The following LSM14A variants were observed in gnomAD, a reference collection of about 807,000 sequenced individuals.
LSM14A encodes the protein LSM14A mRNA processing body assembly factor, also known as protein LSM14 homolog A.
In LSM14A, 14 loss-of-function variants were observed where a neutral mutation model predicts 52.4. That is an observed-to-expected ratio of 0.27 (90% confidence interval 0.18 to 0.42). The LOEUF (loss-of-function observed/expected upper bound fraction) is 0.42, where lower values mean the gene tolerates loss of function less well. Ranked by LOEUF, LSM14A falls within the 10% of genes least tolerant of loss-of-function variation. The pLI, the probability that LSM14A is intolerant of heterozygous loss-of-function variation, is 1.00. For synonymous variants in LSM14A, 185 were observed against 200.3 expected, an observed-to-expected ratio of 0.92 and a Z score of 0.64; for missense variants, 417 against 581.8, an observed-to-expected ratio of 0.72 and a Z score of 2.91.
chr19:34,205,977 G>T (rs560510218), intron 3 of LSM14A, among the ~76,000 whole-genome samples: 1 of 152,160 alleles, frequency 6.6e-6, no homozygotes, highest in Non-Finnish European at 1.5e-5. Flanking sequence ...GACCTTAAAA[G>T]AATAATATGG....
At chr19:34,215,534 T>C in intron 5 of LSM14A, 62 bp from the exon 6 acceptor site, 3 of 1,359,720 alleles carry the variant, frequency 2.2e-6, no homozygotes, top group South Asian at 1.2e-5. Context: ...CATTTCTAAC[T>C]ATGGAAGTTT....
At chr19:34,174,754 G>C (rs1394736995) in intron 1 of LSM14A, among the ~76,000 whole-genome samples, 3 of 152,196 alleles carry the variant, frequency 2.0e-5, no homozygotes, top group Non-Finnish European at 4.4e-5. Flanking sequence ...AGTGCTGGGT[G>C]AGAGCCAGAT....
intron 3 of LSM14A, among the ~76,000 whole-genome samples, chr19:34,204,353 A>G (rs2071527635): frequency 6.6e-6 from 1 of 152,228 alleles, no homozygotes. Flanking sequence ...ATAATTTGGT[A>G]TCAAGTAAAC....
chr19:34,172,869 C>A (rs1384017149), intron 1 of LSM14A, 106 bp downstream of exon 1: 2 of 1,308,558 alleles, frequency 1.5e-6, no homozygotes, highest in East Asian at 3.1e-5. Context: ...CTCCGTCGAG[C>A]TCCGGGAGGC....
At chr19:34,226,379 T>TC (rs2073344141) in intron 9 of LSM14A, 1 of 915,602 alleles carries the variant, frequency 1.1e-6, no homozygotes, top group Non-Finnish European at 1.4e-6. Context: ...CTTTCTCTTT[T>TC]TTTTTTTTTT....
At chr19:34,199,285 C>T (rs1399796312) in intron 3 of LSM14A, among the ~76,000 whole-genome samples, 1 of 151,984 alleles carries the variant, frequency 6.6e-6, no homozygotes, top group African/African-American at 2.4e-5. Flanking sequence ...CCACCACTCC[C>T]GGCTAGATTT....
In LSM14A at chr19:34,228,397, T is replaced by C. The variant is rs1181133621; in HGVS notation, c.*1009T>C. 6.5e-6 allele frequency: 1 copy of C among 152,774 alleles called. No homozygotes were observed. The highest frequency in any genetic ancestry group is 1.9e-4 in the East Asian group (1 of 5,190). The allele number at this position is 152,774 out of a possible 1,614,324, so 9.5% of individuals were successfully genotyped here. On this transcript the variant is annotated 3_prime_UTR_variant, in exon 10 of 10. Coordinates refer to ENST00000544216, the MANE Select transcript of LSM14A (RefSeq NM_015578.4). Reference sequence around the variant, plus strand: ...TAGCTGTATTTTCAAATAAGTAATCTTCCCCCCTTTTGTAGGACTTTAAAA... The same window carrying C: ...TAGCTGTATTTTCAAATAAGTAATCCTCCCCCCTTTTGTAGGACTTTAAAA...
intron 3 of LSM14A, among the ~76,000 whole-genome samples, chr19:34,207,784 C>T (rs1323242426): frequency 1.3e-5 from 2 of 152,134 alleles, no homozygotes; most frequent in African/African-American, 4.8e-5. Flanking sequence ...CCACCTCGGC[C>T]TCCCAAAATG....
rs542294653 is a variant in LSM14A, at chr19:34,173,347, C to T, written c.121+584C>T. Among the ~76,000 whole-genome samples the T allele has an allele frequency of 1.5e-4, 23 of 152,318 alleles. No individual in the cohort carries two copies. In the South Asian group the frequency reaches 4.8e-3, roughly 32 times the overall value. ...CCTCTGTTGGTATTTACCTGTTAAA[C>T]CGGAATCCTCAAAGCCTGTTGTGCA... On this transcript the variant is annotated intron_variant, in intron 1 of 9. Coordinates refer to ENST00000544216, the MANE Select transcript of LSM14A (RefSeq NM_015578.4).
intron 4 of LSM14A, 47 bp from the exon 5 acceptor site, chr19:34,215,077 T>C: frequency 6.7e-7 from 1 of 1,498,716 alleles, no homozygotes; most frequent in Non-Finnish European, 9.0e-7. Flanking sequence ...CTAGATTATT[T>C]TGAAATCCCC....
At chr19:34,175,989 A>T (rs2069064125) in intron 1 of LSM14A, among the ~76,000 whole-genome samples, 2 of 152,044 alleles carry the variant, frequency 1.3e-5, no homozygotes, top group African/African-American at 4.8e-5. Flanking sequence ...AGTAGCTGGG[A>T]CTACAGGCGC....
At chr19:34,218,743 T>G (rs2072856460) in intron 6 of LSM14A, among the ~76,000 whole-genome samples, 1 of 152,188 alleles carries the variant, frequency 6.6e-6, no homozygotes, top group African/African-American at 2.4e-5. Flanking sequence ...GGCTGAAATT[T>G]TACTGTGTTA....
Position 34,172,666 on chromosome 19 carries a change from C to T in LSM14A, c.24C>T (p.Ile8=), listed in dbSNP as rs775684755. The T allele has an allele frequency of 2.5e-6, 4 of 1,576,764 alleles. No individual in the cohort carries two copies. The highest frequency in any genetic ancestry group is 1.8e-5 in the Admixed American group (1 of 55,400). MSGGTPY[I]GSKISLISKA... ...CCATGAGCGGGGGCACCCCTTACAT[C>T]GGCAGCAAGATCAGCCTCATCTCCA... The change falls in exon 1 of 10, where the codon ATC becomes ATT. Residue 8 remains isoleucine (I), a synonymous_variant. Transcript: ENST00000544216.
intron 1 of LSM14A, among the ~76,000 whole-genome samples, chr19:34,179,619 G>T (rs1307062852): frequency 1.3e-5 from 2 of 152,080 alleles, no homozygotes; most frequent in Admixed American, 6.6e-5. Flanking sequence ...TCTAGTAGGG[G>T]TAAGTAAGGT....
At chr19:34,219,685 G>GA in intron 7 of LSM14A, 21 bp from the exon 8 acceptor site, 1 of 1,597,472 alleles carries the variant, frequency 6.3e-7, no homozygotes, top group South Asian at 1.1e-5. Flanking sequence ...TGACTTTTCT[G>GA]ATATGTGCTT....
rs756673232 is a variant in LSM14A at position 34,221,704 on chromosome 19, G to T, written c.1334G>T (p.Arg445Leu). The change falls in exon 9 of 10, where the codon CGT (arginine) becomes CTT (leucine). Residue 445 changes from arginine (R) to leucine (L), a missense_variant. This residue lies in a region of LSM14A where 357 missense variants were observed against 457.0 expected (regional missense o/e 0.78). Coordinates refer to ENST00000544216, the MANE Select transcript of LSM14A (RefSeq NM_015578.4). ...RGFRGGFRGGRGGREFADFEY... is the reference protein window; with the variant it reads ...RGFRGGFRGGLGGREFADFEY... The stretch of plus-strand genomic sequence containing the variant: ...TTTCGCGGTGGATTCAGAGGAGGTC[G>T]TGGGGGCCGGGAGTTTGCGGATTTT... 3.7e-6 allele frequency: 6 copies of T among 1,613,852 alleles called. No homozygotes were observed. The highest frequency in any genetic ancestry group is 1.1e-5 in the South Asian group (1 of 91,068).
intron 9 of LSM14A, among the ~76,000 whole-genome samples, chr19:34,225,525 T>C (rs2073295618): frequency 6.6e-6 from 1 of 152,156 alleles, no homozygotes; most frequent in Non-Finnish European, 1.5e-5. Context: ...TTAGCATGAG[T>C]CATTGTGGTT....
rs374380359 is a variant in LSM14A, at chr19:34,215,257, A to G, written c.672A>G (p.Pro224=). 1.2e-6 allele frequency: 2 copies of G among 1,613,862 alleles called. No homozygotes were observed. The highest frequency in any genetic ancestry group is 1.7e-6 in the Non-Finnish European group (2 of 1,179,970). Residue 224 remains proline (P), a synonymous_variant, in exon 5 of 10, where the codon CCA becomes CCG. Coordinates refer to ENST00000544216, the MANE Select transcript of LSM14A (RefSeq NM_015578.4). ...GTCCTGTATCAACCAGGCCTTTGCC[A>G]TCTGCCAGCCAAAAGGCAGGAGAGA... The part of the protein sequence containing the change: ...RRSPVSTRPL[P]SASQKAGENQ...
intron 3 of LSM14A, among the ~76,000 whole-genome samples, chr19:34,200,333 A>G (rs909236268): frequency 6.6e-6 from 1 of 152,192 alleles, no homozygotes; most frequent in Non-Finnish European, 1.5e-5. Flanking sequence ...TGCAGGGGAG[A>G]AAAAGAAAAC....
Sources: allele counts gnomAD v4.1 joint callset (sites outside exome capture counted in the v4.1 genomes callset), GRCh38; gene constraint gnomAD v4.1.1; regional missense constraint gnomAD v4.1.1; transcripts MANE v1.5; gene names NCBI Gene and HGNC (gene_info 2026-07-23, HGNC 2026-07-21).